The following SRSF12 variants were observed in gnomAD, a reference collection of about 807,000 sequenced individuals.
SRSF12 encodes serine/arginine-rich splicing factor 12.
SRSF12 carries 21 observed loss-of-function variants against 34.1 expected under a neutral mutation model. The ratio of observed to expected loss-of-function variants is 0.62; its 90% CI spans 0.44 to 0.89. SRSF12 has a LOEUF of 0.89. SRSF12 is among the 40% of genes least tolerant of loss of function. SRSF12 has a pLI of 0.00. For synonymous variants in SRSF12, 111 were observed against 110.8 expected, an observed-to-expected ratio of 1.00 and a Z score of -0.01; for missense variants, 278 against 327.8, an observed-to-expected ratio of 0.85 and a Z score of 1.17.
intron 1 of SRSF12, among the ~76,000 whole-genome samples, chr6:89,107,727 G>A (rs1199714730): frequency 6.6e-6 from 1 of 151,950 alleles, no homozygotes; most frequent in Non-Finnish European, 1.5e-5. Context: ...GTGACAGAGT[G>A]AGACCCTGTC....
At chr6:89,115,635 T>C (rs113366967) in intron 1 of SRSF12, among the ~76,000 whole-genome samples, 140 of 131,926 alleles carry the variant, frequency 1.1e-3, no homozygotes, top group African/African-American at 3.0e-3. Flanking sequence ...TTCTTTCTTT[T>C]TTTTTTTTTT....
At chr6:89,102,466 A>G (rs1031356883) in intron 4 of SRSF12, among the ~76,000 whole-genome samples, 2 of 152,282 alleles carry the variant, frequency 1.3e-5, no homozygotes, top group Middle Eastern at 3.4e-3. Flanking sequence ...TATACTGAAA[A>G]TACATTGATG....
chr6:89,099,413 T>TAC (rs1554182352), intron 4 of SRSF12, among the ~76,000 whole-genome samples: 37 of 140,040 alleles, frequency 2.6e-4, no homozygotes, highest in African/African-American at 9.8e-4. Flanking sequence ...CATATATATA[T>TAC]ACATATATAT....
At chr6:89,101,038 G>A (rs1204832964) in intron 4 of SRSF12, among the ~76,000 whole-genome samples, 5 of 151,776 alleles carry the variant, frequency 3.3e-5, no homozygotes, top group Admixed American at 6.6e-5. Context: ...GAACCTGGGA[G>A]GCAGAGGTTG....
intron 4 of SRSF12, among the ~76,000 whole-genome samples, chr6:89,099,815 G>C (rs1298447593): frequency 6.6e-6 from 1 of 152,024 alleles, no homozygotes; most frequent in South Asian, 2.1e-4. Context: ...GATTACAGGC[G>C]TGAGCTACCA....
chr6:89,104,576 A>ATAT (rs987108324), intron 4 of SRSF12, among the ~76,000 whole-genome samples: 1 of 151,096 alleles, frequency 6.6e-6, no homozygotes, highest in African/African-American at 2.5e-5. Context: ...TGCTCACTAT[A>ATAT]TATTATCTTC....
rs1455355785 is a variant in SRSF12 at position 89,098,848 on chromosome 6, CCTT to C, written c.513_515del (p.Arg172del). On this transcript the variant is annotated inframe_deletion, in exon 5 of 5. Transcript: ENST00000452027. ...TTGACCGTCCTCTAGAGCCAAAATT[CCTT>C]CTTGGAGTTCTTGACTGCCTTGCTG... is the stretch of plus-strand genomic sequence containing the variant. 16 of 1,613,876 alleles carry C rather than the reference CCTT, an allele frequency of 9.9e-6. No individual in the cohort carries two copies. Among genetic ancestry groups the C allele is most frequent in the Non-Finnish European group, 1.4e-5 (16 of 1,179,880 alleles).
In SRSF12 at chr6:89,117,944, C is replaced by CCCGCTA. The variant is rs1411934178; in HGVS notation, c.-63_-58dup. The CCCGCTA allele has an allele frequency of 1.6e-5, 24 of 1,509,226 alleles. No individual in the cohort carries two copies. The East Asian group carries it at 5.2e-4, about 32-fold the overall frequency. The allele number at this position is 1,509,226 out of a possible 1,614,324, so 93.5% of individuals were successfully genotyped here. ...CGCGGCCGCTGGACTCGCTCCGTCT[C>CCCGCTA]CCGCTACCGCTGCTACCACCACAGG... On this transcript the variant is annotated 5_prime_UTR_variant, in exon 1 of 5. Coordinates refer to ENST00000452027, the MANE Select transcript of SRSF12 (RefSeq NM_080743.5).
intron 1 of SRSF12, among the ~76,000 whole-genome samples, chr6:89,112,073 T>C (rs1266536409): frequency 1.3e-5 from 2 of 152,006 alleles, no homozygotes; most frequent in South Asian, 2.1e-4. Flanking sequence ...AAGGGCGTGA[T>C]CTCGGCTCAC....
chr6:89,103,429 A>G (rs1464274964), intron 4 of SRSF12, among the ~76,000 whole-genome samples: 2 of 152,004 alleles, frequency 1.3e-5, no homozygotes, highest in African/African-American at 4.8e-5. Context: ...CCCAGGTTCA[A>G]GCGATTCTCC....
chr6:89,114,174 T>C (rs1306343683), intron 1 of SRSF12, among the ~76,000 whole-genome samples: 1 of 152,190 alleles, frequency 6.6e-6, no homozygotes, highest in African/African-American at 2.4e-5. Flanking sequence ...ATGCCTGTAA[T>C]CCCAGTGCTT....
chr6:89,115,488 G>A (rs1336245710), intron 1 of SRSF12, among the ~76,000 whole-genome samples: 2 of 151,570 alleles, frequency 1.3e-5, no homozygotes, highest in South Asian at 4.2e-4. Context: ...CACCAGGTAG[G>A]CCAGGTTGGT....
At chr6:89,110,792 C>G (rs1485034732) in intron 1 of SRSF12, among the ~76,000 whole-genome samples, 3 of 152,068 alleles carry the variant, frequency 2.0e-5, no homozygotes, top group African/African-American at 4.8e-5. Flanking sequence ...GTGGCCCAAC[C>G]AACTTACATT....
At position 89,117,808 on chromosome 6, in the gene SRSF12, G is replaced by C. The variant is rs374569086; in HGVS notation, c.65+15C>G. 26 of 1,548,068 alleles carry C rather than the reference G, an allele frequency of 1.7e-5. No individual in the cohort carries two copies. The African/African-American group carries it at 2.1e-4, about 13-fold the overall frequency. On this transcript the variant is annotated intron_variant, in intron 1 of 4. Coordinates refer to ENST00000452027, the MANE Select transcript of SRSF12 (RefSeq NM_080743.5). ...CCCTCCTCCGCGCCCCCAACCTGCA[G>C]CCGCGGCCGTTCACCTGGTGGCGTC...
intron 4 of SRSF12, among the ~76,000 whole-genome samples, chr6:89,103,579 C>T (rs1768636873): frequency 6.6e-6 from 1 of 152,170 alleles, no homozygotes; most frequent in Admixed American, 6.5e-5. Context: ...TCCGCCCCCG[C>T]CCTGGCCTCC....
intron 4 of SRSF12, among the ~76,000 whole-genome samples, chr6:89,102,929 A>AT (rs375764014): frequency 6.8e-4 from 104 of 151,868 alleles, no homozygotes; most frequent in Non-Finnish European, 1.4e-3. Context: ...CACGTGGCTA[A>AT]TTTTTTTTAG....
intron 4 of SRSF12, among the ~76,000 whole-genome samples, chr6:89,099,508 A>G (rs565559978): frequency 0.021 from 1,142 of 55,666 alleles, 24 homozygotes; most frequent in African/African-American, 0.12. Flanking sequence ...ATGTGTGTAT[A>G]TATATATACA....
rs1768293019 is a variant in SRSF12, at chr6:89,096,586, G to A, written c.*1992C>T. 6.6e-6 allele frequency: 1 copy of A among 152,080 alleles called. No homozygotes were observed. Among genetic ancestry groups the A allele is most frequent in the Admixed American group, 6.6e-5 (1 of 15,264 alleles). The allele number at this position is 152,080 out of a possible 1,614,324, so 9.4% of individuals were successfully genotyped here. A position where few individuals can be genotyped will look rare whatever the true frequency, so the allele number is the denominator to read the frequency against. ...TAAATCAAAGGATTAAATATGTTCAGGAATACAGAGATTTGTGAATACAGA... is the reference window on the plus strand; with the variant it reads ...TAAATCAAAGGATTAAATATGTTCAAGAATACAGAGATTTGTGAATACAGA... On this transcript the variant is annotated 3_prime_UTR_variant, in exon 5 of 5. Transcript: ENST00000452027.
At chr6:89,099,034 A>G in intron 4 of SRSF12, 87 bp from the exon 5 acceptor site, 2 of 1,428,428 alleles carry the variant, frequency 1.4e-6, no homozygotes, top group South Asian at 1.5e-5. Flanking sequence ...CATACTTTAC[A>G]TAACATTAGT....
Sources: gnomAD v4.1 joint callset for allele counts (sites outside exome capture counted in the v4.1 genomes callset) on GRCh38, gnomAD v4.1.1 for gene constraint, MANE v1.5 for transcripts, NCBI Gene and HGNC (gene_info 2026-07-23, HGNC 2026-07-21) for gene names.